The following DACH2 variants were observed in gnomAD, a reference collection of about 807,000 sequenced individuals.
DACH2 encodes the protein dachshund family transcription factor 2, also known as dachshund homolog 2.
DACH2 carries 17 observed loss-of-function variants against 35.8 expected under a neutral mutation model. That is an observed-to-expected ratio of 0.48 (90% CI 0.33 to 0.71). The LOEUF (loss-of-function observed/expected upper bound fraction) is 0.71. Ranked by LOEUF, DACH2 falls within the 30% of genes least tolerant of loss-of-function variation. DACH2 has a pLI of 0.02. For missense variants in DACH2, 469 were observed against 472.7 expected (o/e 0.99, Z 0.07); for synonymous variants, 195 against 177.3 (o/e 1.10, Z -0.79).
chrX:86,450,015 T>G (rs2148194784), intron 2 of DACH2, among the ~76,000 whole-genome samples: 1 of 111,971 alleles, frequency 8.9e-6, no homozygotes, highest in East Asian at 2.8e-4. Context: ...TAATGTATTT[T>G]ACTTTCAGTT....
intron 3 of DACH2, among the ~76,000 whole-genome samples, chrX:86,593,418 ATTTTATT>A (rs1467190506): frequency 3.9e-5 from 4 of 101,703 alleles, no homozygotes; most frequent in African/African-American, 1.5e-4. Context: ...ATTTTATTTT[ATTTTATT>A]TTATTTTATT....
intron 3 of DACH2, among the ~76,000 whole-genome samples, chrX:86,588,682 G>A (rs777580860): frequency 3.6e-5 from 4 of 111,251 alleles, no homozygotes; most frequent in Non-Finnish European, 5.7e-5. Context: ...TTGGGGTGCA[G>A]AAATGCTACT....
Position 86,325,126 on chromosome X carries a change from A to G in DACH2, c.489-51698A>G, listed in dbSNP as rs112094981. Among the ~76,000 whole-genome samples, 1,083 of 111,583 alleles carry G rather than the reference A, an allele frequency of 9.7e-3. 7 individuals carry two copies. The highest frequency in any genetic ancestry group is 0.018 in the Middle Eastern group (4 of 217). On this transcript the variant is annotated intron_variant, in intron 1 of 11. Coordinates refer to ENST00000373125, the MANE Select transcript of DACH2 (RefSeq NM_053281.3). ...AAATTGTGACTTGGTTTATTGTGAT[A>G]TTTACTTTTTTGTGGTGGCCTGAAA...
intron 1 of DACH2, among the ~76,000 whole-genome samples, chrX:86,236,842 A>T (rs2033065662): frequency 8.9e-6 from 1 of 112,062 alleles, no homozygotes; most frequent in South Asian, 3.7e-4. Context: ...CTACATTTAG[A>T]CTACACCAAT....
At chrX:86,224,570 T>A (rs951658206) in intron 1 of DACH2, among the ~76,000 whole-genome samples, 3 of 106,671 alleles carry the variant, frequency 2.8e-5, no homozygotes, top group Non-Finnish European at 5.7e-5. Context: ...AGGTGGCACA[T>A]GACAGTTTTT....
intron 2 of DACH2, among the ~76,000 whole-genome samples, chrX:86,409,029 C>T (rs757428715): frequency 9.0e-6 from 1 of 111,707 alleles, no homozygotes; most frequent in Non-Finnish European, 1.9e-5. Context: ...TCTTATATCT[C>T]TCCAGGATAG....
Position 86,585,265 on chromosome X carries a change from C to A in DACH2, c.641-65771C>A, listed in dbSNP as rs1381203456. ...CACAGTGGCTGAACTAATTTACATTCTCACGATCATTGTAATGTTTCCTTT... is the reference window on the plus strand; with the variant it reads ...CACAGTGGCTGAACTAATTTACATTATCACGATCATTGTAATGTTTCCTTT... On this transcript the variant is annotated intron_variant, in intron 3 of 11. Transcript: ENST00000373125. Among the ~76,000 whole-genome samples, 3 of 111,346 alleles carry A rather than the reference C, an allele frequency of 2.7e-5. No individual in the cohort carries two copies. In the East Asian group the frequency reaches 8.5e-4, roughly 31 times the overall value.
At chrX:86,742,631 T>C (rs1026745888) in intron 7 of DACH2, 16 of 257,829 alleles carry the variant, frequency 6.2e-5, no homozygotes, top group Middle Eastern at 1.0e-3. Context: ...CAGTTACATC[T>C]CTTATTTATA....
intron 1 of DACH2, among the ~76,000 whole-genome samples, chrX:86,175,875 G>A (rs1244311968): frequency 9.0e-6 from 1 of 111,175 alleles, no homozygotes; most frequent in Non-Finnish European, 1.9e-5. Flanking sequence ...GGATTGGAAA[G>A]GAGGTATTGC....
chrX:86,279,178 A>T (rs1230011271), intron 1 of DACH2, among the ~76,000 whole-genome samples: 1 of 112,091 alleles, frequency 8.9e-6, no homozygotes, highest in Non-Finnish European at 1.9e-5. Context: ...GTCCCAGCAC[A>T]GTGCTTGAAC....
chrX:86,223,431 A>G (rs1217059887), intron 1 of DACH2, among the ~76,000 whole-genome samples: 1 of 111,396 alleles, frequency 9.0e-6, no homozygotes, highest in Non-Finnish European at 1.9e-5. Context: ...TAAATCTCCT[A>G]CATTTGCATG....
chrX:86,740,254 A>T (rs773437264), intron 7 of DACH2, among the ~76,000 whole-genome samples: 1 of 111,391 alleles, frequency 9.0e-6, no homozygotes, highest in South Asian at 3.8e-4. Context: ...AGAGTGATTA[A>T]AAAGTGAATC....
At chrX:86,568,880 T>A (rs2039326975) in intron 3 of DACH2, among the ~76,000 whole-genome samples, 1 of 111,420 alleles carries the variant, frequency 9.0e-6, no homozygotes, top group African/African-American at 3.3e-5. Context: ...AGACATTGAT[T>A]TGGGAAGAAA....
At chrX:86,198,848 T>G (rs1352219266) in intron 1 of DACH2, among the ~76,000 whole-genome samples, 6 of 110,967 alleles carry the variant, frequency 5.4e-5, no homozygotes. Flanking sequence ...AAAGAAGAGC[T>G]GGTACCACTT....
At position 86,726,408 on chromosome X, in the gene DACH2, G is replaced by A. The variant is rs182672883; in HGVS notation, c.1104+11688G>A. On this transcript the variant is annotated intron_variant, in intron 6 of 11. Coordinates refer to ENST00000373125, the MANE Select transcript of DACH2 (RefSeq NM_053281.3). ...GAGTGGTGCACCTCTCAGGTGAGCA[G>A]CATGGATAAGAAGCTGTAGAAAGTG... 1.4e-4 allele frequency among the ~76,000 whole-genome samples: 16 copies of A among 111,212 alleles called. No homozygotes were observed. The East Asian group carries it at 3.5e-3, about 24-fold the overall frequency.
chrX:86,440,545 C>G (rs778456366), intron 2 of DACH2, among the ~76,000 whole-genome samples: 2 of 110,831 alleles, frequency 1.8e-5, no homozygotes, highest in Admixed American at 1.9e-4. Flanking sequence ...ATAGTTGGAC[C>G]TTGTATTTTG....
chrX:86,300,438 C>A (rs961168336), intron 1 of DACH2, among the ~76,000 whole-genome samples: 4 of 109,130 alleles, frequency 3.7e-5, no homozygotes, highest in Admixed American at 9.9e-5. Flanking sequence ...GGACAAAAAA[C>A]CAAACACTGC....
At chrX:86,626,981 C>A (rs974391765) in intron 3 of DACH2, among the ~76,000 whole-genome samples, 4 of 112,657 alleles carry the variant, frequency 3.6e-5, no homozygotes, top group Admixed American at 2.8e-4. Context: ...CAAATTTCCG[C>A]AGCTGGCTTG....
At chrX:86,293,293 C>T (rs1463231628) in intron 1 of DACH2, among the ~76,000 whole-genome samples, 1 of 110,417 alleles carries the variant, frequency 9.1e-6, no homozygotes, top group Non-Finnish European at 1.9e-5. Context: ...GATCCTCCTC[C>T]ATCCTTTTAT....
Sources: allele counts gnomAD v4.1 joint callset (sites outside exome capture counted in the v4.1 genomes callset), GRCh38; gene constraint gnomAD v4.1.1; transcripts MANE v1.5; gene names NCBI Gene and HGNC (gene_info 2026-07-23, HGNC 2026-07-21).